KANSL3: variants seen among roughly 807,000 people sequenced by gnomAD.
The protein encoded by KANSL3 is NSL complex protein NSL3.
Under a neutral mutation model 89.2 loss-of-function variants are expected in KANSL3, and 16 were observed. The ratio of observed to expected loss-of-function variants is 0.18; its 90% confidence interval spans 0.12 to 0.27. KANSL3 has a LOEUF of 0.27. Among genes scored for constraint, KANSL3 ranks in the 10% least tolerant of loss-of-function variants. KANSL3 has a pLI of 1.00. For missense variants in KANSL3, 879 were observed against 1,110.6 expected, an observed-to-expected ratio of 0.79 and a Z score of 2.96; for synonymous variants, 385 against 419.7, an observed-to-expected ratio of 0.92 and a Z score of 1.01.
At chr2:96,596,446 C>T (rs1450773810) in intron 20 of KANSL3, among the ~76,000 whole-genome samples, 2 of 152,284 alleles carry the variant, frequency 1.3e-5, no homozygotes, top group African/African-American at 4.8e-5. Flanking sequence ...CCCAGCTACT[C>T]GGGAGGCCGA....
Position 96,619,653 on chromosome 2 carries a change from C to T in KANSL3, c.477+19G>A, listed in dbSNP as rs577465450. The T allele has an allele frequency of 3.3e-5, 52 of 1,580,726 alleles. No homozygotes were observed. The highest frequency in any genetic ancestry group is 1.8e-4 in the South Asian group (16 of 86,892). ...TGAACTACGAAGAGCCCACTGTGGG[C>T]GGATTGCTGGTGTCTTACCCCTTCG... is the stretch of plus-strand genomic sequence containing the variant. On this transcript the variant is annotated intron_variant, in intron 4 of 20. Transcript: ENST00000431828.
chr2:96,619,815 GTAT>G, intron 3 of KANSL3, 53 bp from the exon 4 acceptor site: 1 of 1,324,230 alleles, frequency 7.6e-7, no homozygotes, highest in Non-Finnish European at 1.1e-6. Flanking sequence ...CGCTCCCCAT[GTAT>G]GTACACCATA....
In KANSL3 at chr2:96,636,855, T is replaced by C. The variant is rs879154466; in HGVS notation, c.215+66A>G. The C allele has an allele frequency of 2.3e-6, 3 of 1,298,906 alleles. No homozygotes were observed. The South Asian group carries it at 4.7e-5, about 20-fold the overall frequency. 80.5% of individuals were successfully genotyped at this position (1,298,906 alleles called of 1,614,324 possible). A position where few individuals can be genotyped will look rare whatever the true frequency, so the allele number is the denominator to read the frequency against. Reference sequence around the variant, plus strand: ...CCCCCAGTCAATCCTGAGAAAATCCTCTCTAAATTCCCATCTGATCACTGC... The same window carrying C: ...CCCCCAGTCAATCCTGAGAAAATCCCCTCTAAATTCCCATCTGATCACTGC... On this transcript the variant is annotated intron_variant, in intron 2 of 20. Transcript: ENST00000431828.
chr2:96,604,048 C>T (rs569702736), intron 17 of KANSL3: 7 of 498,538 alleles, frequency 1.4e-5, no homozygotes, highest in Non-Finnish European at 2.4e-5. Context: ...CAGACCAGGA[C>T]ATTTACTCAC....
chr2:96,602,923 G>T, intron 17 of KANSL3, 61 bp from the exon 18 acceptor site: 1 of 1,490,702 alleles, frequency 6.7e-7, no homozygotes, highest in Non-Finnish European at 9.3e-7. Flanking sequence ...CCCGAGAGCA[G>T]CCACATCCAT....
chr2:96,611,900 C>CAA (rs2069031981), intron 9 of KANSL3, among the ~76,000 whole-genome samples: 2 of 79,570 alleles, frequency 2.5e-5, no homozygotes, highest in Non-Finnish European at 4.6e-5. Flanking sequence ...GATATATACC[C>CAA]ATATGTGTGT....
At chr2:96,610,298 T>C (rs1274599444) in intron 11 of KANSL3, 2 of 153,652 alleles carry the variant, frequency 1.3e-5, no homozygotes, top group Non-Finnish European at 2.9e-5. Flanking sequence ...AAAAGGTTTT[T>C]TTAATGCTGT....
intron 3 of KANSL3, chr2:96,627,893 A>G (rs555289227): frequency 5.4e-6 from 7 of 1,288,248 alleles, no homozygotes; most frequent in South Asian, 4.9e-5. Context: ...CATAAATAAT[A>G]AAATCGGCTA....
intron 11 of KANSL3, 37 bp from the exon 12 acceptor site, chr2:96,609,599 A>T (rs374023468): frequency 9.2e-6 from 14 of 1,514,068 alleles, no homozygotes; most frequent in Non-Finnish European, 1.3e-5. Context: ...TACTTCTTAC[A>T]CATTGCACGG....
intron 9 of KANSL3, 126 bp from the exon 10 acceptor site, chr2:96,611,264 G>C (rs370638876): frequency 1.4e-6 from 1 of 734,104 alleles, no homozygotes; most frequent in East Asian, 2.5e-5. Flanking sequence ...CCTAATATCC[G>C]GGTGCATCTT....
At chr2:96,625,118 G>A (rs2105968995) in intron 3 of KANSL3, among the ~76,000 whole-genome samples, 1 of 152,258 alleles carries the variant, frequency 6.6e-6, no homozygotes, top group African/African-American at 2.4e-5. Flanking sequence ...GCTGAGAGAG[G>A]AGAATCGCCT....
intron 14 of KANSL3, chr2:96,606,881 G>T: frequency 1.5e-6 from 1 of 662,376 alleles, no homozygotes; most frequent in Non-Finnish European, 2.3e-6. Context: ...AAACCAAACT[G>T]AGGCAGATGA....
In KANSL3 at chr2:96,612,521, C is replaced by T. The variant is rs758988441; in HGVS notation, c.955G>A (p.Val319Ile). The change falls in exon 8 of 21, where the codon GTA becomes ATA. Residue 319 changes from valine to isoleucine, a missense_variant. By Grantham distance (29) the Val-to-Ile change is conservative. Coordinates refer to ENST00000431828, the MANE Select transcript of KANSL3 (RefSeq NM_001115016.3). ...ATHLLNNGSG[V>I]GVLQCLEHMI... ...TGCTCGAGACACTGTAGAACTCCTA[C>T]CCCACTGCCATTGTTCAGCAGATGG... 7 of 1,613,970 alleles carry T rather than the reference C, an allele frequency of 4.3e-6. No individual in the cohort carries two copies. The highest frequency in any genetic ancestry group is 3.3e-4 in the Middle Eastern group (2 of 6,062).
chr2:96,622,746 T>C (rs2071540120), intron 3 of KANSL3, among the ~76,000 whole-genome samples: 1 of 152,194 alleles, frequency 6.6e-6, no homozygotes, highest in Non-Finnish European at 1.5e-5. Context: ...CCTCACTTAC[T>C]TCAGTCACGC....
chr2:96,586,715 C>T, the KANSL3 span, among the ~76,000 whole-genome samples: 12 of 152,344 alleles, frequency 7.9e-5, no homozygotes, highest in East Asian at 1.9e-4. Context: ...CAGGCTTCAA[C>T]GCCTGGCCTT....
chr2:96,637,922 C>T (rs2074478503), intron 1 of KANSL3: 1 of 152,410 alleles, frequency 6.6e-6, no homozygotes, highest in Non-Finnish European at 1.5e-5. Flanking sequence ...CCACACGGCC[C>T]ATCTAGGAGA....
chr2:96,592,875 C>T (rs571737630), downstream of KANSL3, among the ~76,000 whole-genome samples: 72 of 152,160 alleles, frequency 4.7e-4, no homozygotes, highest in Admixed American at 3.7e-3. Flanking sequence ...TGGTGTCGGG[C>T]GCCTGTAATC....
Position 96,601,679 on chromosome 2 carries a change from C to T in KANSL3, c.2580G>A (p.Glu860=). 6.2e-7 allele frequency: 1 copy of T among 1,613,596 alleles called. No homozygotes were observed. The highest frequency in any genetic ancestry group is 8.5e-7 in the Non-Finnish European group (1 of 1,179,716). ...SPMGSGAAPS[E]ESSSQVLPSS... ...AGGGCAGCACCTGGGAAGAGGACTC[C>T]TCGGATGGGGCTGCTCCTGAGCCCA... is the stretch of plus-strand genomic sequence containing the variant. The change falls in exon 20 of 21, where the codon GAG becomes GAA. Residue 860 remains glutamate, a synonymous_variant. Coordinates refer to ENST00000431828, the MANE Select transcript of KANSL3 (RefSeq NM_001115016.3).
chr2:96,592,281 G>C (rs571129660), downstream of KANSL3, among the ~76,000 whole-genome samples: 18 of 152,170 alleles, frequency 1.2e-4, no homozygotes, highest in Non-Finnish European at 2.5e-4. Flanking sequence ...CTGGAATTTA[G>C]GGGTTAGAAG....
Sources: gnomAD v4.1 joint callset for allele counts (sites outside exome capture counted in the v4.1 genomes callset) on GRCh38, gnomAD v4.1.1 for gene constraint, MANE v1.5 for transcripts, NCBI Gene and HGNC (gene_info 2026-07-23, HGNC 2026-07-21) for gene names.